Variants in GPHN observed in about 807,000 individuals in gnomAD.
GPHN encodes the protein gephyrin.
In GPHN, 17 loss-of-function variants were observed where a neutral mutation model predicts 95.5. The ratio of observed to expected loss-of-function variants is 0.18; its 90% CI spans 0.12 to 0.27. GPHN has a LOEUF of 0.27. Ranked by LOEUF, GPHN falls within the 10% of genes least tolerant of loss-of-function variation. The probability of loss-of-function intolerance (pLI) is 1.00; values close to 1 mark genes in which losing one functional copy is unlikely to be tolerated. For synonymous variants in GPHN, 320 were observed against 322.5 expected (o/e 0.99, Z 0.08); for missense variants, 660 against 978.1 (o/e 0.67, Z 4.34).
At chr14:67,175,785 G>A (rs761083153) in intron 21 of GPHN, among the ~76,000 whole-genome samples, 12 of 152,080 alleles carry the variant, frequency 7.9e-5, no homozygotes, top group African/African-American at 2.9e-4. Context: ...CTTTGAAGAG[G>A]TCCTTCACAT....
At chr14:67,015,150 T>C (rs956089520) in intron 9 of GPHN, among the ~76,000 whole-genome samples, 5 of 152,212 alleles carry the variant, frequency 3.3e-5, no homozygotes, top group Non-Finnish European at 2.9e-5. Context: ...TGATTTTCAG[T>C]GGTAATTATA....
At chr14:67,367,828 C>T in the GPHN span, among the ~76,000 whole-genome samples, 1 of 149,394 alleles carries the variant, frequency 6.7e-6, no homozygotes, top group African/African-American at 2.5e-5. Context: ...AGAACCAGAC[C>T]TTGTCTCAAA....
At chr14:66,719,890 A>G (rs1019575817) in intron 2 of GPHN, among the ~76,000 whole-genome samples, 29 of 152,344 alleles carry the variant, frequency 1.9e-4, no homozygotes, top group African/African-American at 6.5e-4. Flanking sequence ...AGGTACTACT[A>G]GTGACCATGT....
At chr14:66,953,178 G>GTTT (rs2068233790) in intron 8 of GPHN, among the ~76,000 whole-genome samples, 10 of 105,390 alleles carry the variant, frequency 9.5e-5, no homozygotes, top group African/African-American at 6.9e-4. Context: ...CGGGTTGTTG[G>GTTT]TCTTTTTATT....
intron 1 of GPHN, among the ~76,000 whole-genome samples, chr14:66,670,282 G>T (rs1439604133): frequency 2.0e-5 from 3 of 152,072 alleles, no homozygotes; most frequent in Admixed American, 2.0e-4. Flanking sequence ...ATCTTTGTGG[G>T]GTTGGTTGAA....
chr14:67,402,943 G>A, the GPHN span, among the ~76,000 whole-genome samples: 2 of 152,276 alleles, frequency 1.3e-5, no homozygotes, highest in East Asian at 3.9e-4. Context: ...ACCCAGCAGT[G>A]GAATTGCTGG....
At chr14:66,513,714 C>A (rs2058132117) in intron 1 of GPHN, among the ~76,000 whole-genome samples, 1 of 151,850 alleles carries the variant, frequency 6.6e-6, no homozygotes, top group African/African-American at 2.4e-5. Context: ...TGAATGGCAT[C>A]TAATCTCACT....
chr14:66,686,340 A>C (rs1423281387), intron 2 of GPHN, among the ~76,000 whole-genome samples: 1 of 152,182 alleles, frequency 6.6e-6, no homozygotes, highest in Admixed American at 6.5e-5. Flanking sequence ...CTTGGGCAGT[A>C]TGGCCATTTT....
chr14:66,693,588 A>AGAGAGAGGAAATAGCCT (rs2067924181), intron 2 of GPHN, among the ~76,000 whole-genome samples: 1 of 152,220 alleles, frequency 6.6e-6, no homozygotes, highest in African/African-American at 2.4e-5. Flanking sequence ...CAGCTCCAGA[A>AGAGAGAGGAAATAGCCT]GAGAGAGGAA....
chr14:67,307,223 A>T, the GPHN span, among the ~76,000 whole-genome samples: 2 of 152,140 alleles, frequency 1.3e-5, no homozygotes, highest in African/African-American at 4.8e-5. Context: ...ATTCAAACGT[A>T]CAGTTTCCTT....
chr14:67,127,475 C>T (rs1364549455), intron 17 of GPHN, among the ~76,000 whole-genome samples: 1 of 152,138 alleles, frequency 6.6e-6, no homozygotes, highest in Non-Finnish European at 1.5e-5. Flanking sequence ...TTTGTTTACT[C>T]ATTGTTTAAT....
At chr14:66,591,108 C>T (rs2061624212) in intron 1 of GPHN, among the ~76,000 whole-genome samples, 1 of 152,154 alleles carries the variant, frequency 6.6e-6, no homozygotes, top group Non-Finnish European at 1.5e-5. Flanking sequence ...ATTCAAGAGC[C>T]TTCATGCTAA....
At chr14:67,492,384 G>T in the GPHN span, among the ~76,000 whole-genome samples, 1 of 152,168 alleles carries the variant, frequency 6.6e-6, no homozygotes, top group Non-Finnish European at 1.5e-5. Flanking sequence ...ATCAGGCAGC[G>T]GCTGAGAGGC....
At chr14:67,094,030 T>C (rs756660814) in intron 12 of GPHN, among the ~76,000 whole-genome samples, 90 of 152,174 alleles carry the variant, frequency 5.9e-4, no homozygotes, top group Non-Finnish European at 9.3e-4. Flanking sequence ...GCCATCTCTA[T>C]GTGCTCTAAT....
chr14:67,088,754 T>G (rs1350973452), intron 11 of GPHN, among the ~76,000 whole-genome samples: 2 of 152,228 alleles, frequency 1.3e-5, no homozygotes, highest in Non-Finnish European at 2.9e-5. Flanking sequence ...GCACCTCATA[T>G]TCAGATAATC....
At chr14:66,886,540 G>T (rs768902445) in intron 5 of GPHN, among the ~76,000 whole-genome samples, 5 of 143,950 alleles carry the variant, frequency 3.5e-5, no homozygotes, top group Non-Finnish European at 7.6e-5. Flanking sequence ...AAAAAATAAA[G>T]AAGAAAAAAA....
chr14:66,664,537 T>A (rs573036563), intron 1 of GPHN, among the ~76,000 whole-genome samples: 1 of 152,088 alleles, frequency 6.6e-6, no homozygotes, highest in South Asian at 2.1e-4. Flanking sequence ...GCTAGCAAGA[T>A]CTCAAGTTAA....
chr14:67,398,615 C>T, the GPHN span, among the ~76,000 whole-genome samples: 1 of 149,028 alleles, frequency 6.7e-6, no homozygotes, highest in Non-Finnish European at 1.5e-5. Context: ...ATTCCTGCCA[C>T]CTGAGAACCA....
the GPHN span, chr14:67,200,119 C>G: frequency 9.4e-7 from 1 of 1,065,286 alleles, no homozygotes; most frequent in South Asian, 1.5e-5. Context: ...CATGCCCCCC[C>G]GAAGGCCTCC....
Sources: allele counts gnomAD v4.1 joint callset (sites outside exome capture counted in the v4.1 genomes callset), GRCh38; gene constraint gnomAD v4.1.1; transcripts MANE v1.5; gene names NCBI Gene and HGNC (gene_info 2026-07-23, HGNC 2026-07-21).